ZWILCH: variants seen among roughly 807,000 people sequenced by gnomAD.
The protein encoded by ZWILCH is zwilch kinetochore protein, also known as protein zwilch homolog.
In ZWILCH, 74 loss-of-function variants were observed where a neutral mutation model predicts 79.9. The observed-to-expected ratio is 0.93, with a 90% CI of 0.77 to 1.12. The LOEUF is 1.12. Ranked by LOEUF, ZWILCH falls within the 50% of genes most tolerant of loss-of-function variation. The pLI is 0.00. For missense variants in ZWILCH, 694 were observed against 687.5 expected (o/e 1.01, Z -0.11); for synonymous variants, 241 against 228.2 (o/e 1.06, Z -0.51).
At chr15:66,546,902 A>G (rs1369218370) in intron 18 of ZWILCH, 197 bp downstream of exon 18, 10 of 239,834 alleles carry the variant, frequency 4.2e-5, no homozygotes, top group East Asian at 7.6e-5. Flanking sequence ...TCAACTTTTA[A>G]TAGGTCAATT....
intron 1 of ZWILCH, among the ~76,000 whole-genome samples, chr15:66,507,825 C>A (rs1463328234): frequency 6.6e-6 from 1 of 151,642 alleles, no homozygotes; most frequent in Non-Finnish European, 1.5e-5. Context: ...CCTAGCTACT[C>A]TGGAGGCTGA....
At chr15:66,514,119 TC>T in intron 3 of ZWILCH, 36 bp downstream of exon 3, 1 of 1,487,332 alleles carries the variant, frequency 6.7e-7, no homozygotes, top group Non-Finnish European at 9.2e-7. Context: ...TGTTTAATTC[TC>T]CATAACCAAA....
rs1567044192 is a variant in ZWILCH at position 66,520,652 on chromosome 15, T to G, written c.583T>G (p.Leu195Val). 6.4e-7 allele frequency: 1 copy of G among 1,553,150 alleles called. No individual in the cohort carries two copies. Among genetic ancestry groups the G allele is most frequent in the Non-Finnish European group, 8.8e-7 (1 of 1,131,834 alleles). ...LKNLHKKRHH[L>V]STVTSKGFAQ... Reference sequence around the variant, plus strand: ...AAATTTACACAAGAAAAGACATCACTTGTCTACTGTAAGTGTTTTGCTTCT... The same window carrying G: ...AAATTTACACAAGAAAAGACATCACGTGTCTACTGTAAGTGTTTTGCTTCT... Residue 195 changes from leucine (L) to valine (V), a missense_variant, in exon 6 of 19, where the codon TTG becomes GTG. Physicochemically the swap from Leu to Val is conservative, Grantham distance 32. Transcript: ENST00000307897.
intron 2 of ZWILCH, among the ~76,000 whole-genome samples, chr15:66,511,684 C>T (rs1460246610): frequency 1.3e-5 from 2 of 151,774 alleles, no homozygotes; most frequent in Admixed American, 1.3e-4. Context: ...TGGCGCGATC[C>T]TGGTTCACTG....
intron 17 of ZWILCH, among the ~76,000 whole-genome samples, chr15:66,545,026 G>A (rs1033347787): frequency 3.3e-5 from 5 of 151,944 alleles, no homozygotes; most frequent in African/African-American, 9.7e-5. Flanking sequence ...ACAGGCGTGA[G>A]CCACTGTGCC....
At chr15:66,509,273 A>C (rs555189800) in intron 2 of ZWILCH, among the ~76,000 whole-genome samples, 51 of 152,278 alleles carry the variant, frequency 3.3e-4, no homozygotes, top group Non-Finnish European at 5.9e-4. Flanking sequence ...CACCACCTAT[A>C]ATCAAGATAT....
At position 66,514,215 on chromosome 15, in the gene ZWILCH, T is replaced by A. The variant is rs1595905287; in HGVS notation, c.201+132T>A. 6.2e-5 allele frequency: 36 copies of A among 579,672 alleles called. No homozygotes were observed. The East Asian group carries it at 1.1e-3, about 17-fold the overall frequency. The allele number at this position is 579,672 out of a possible 1,614,324, so 35.9% of individuals were successfully genotyped here. A position where few individuals can be genotyped will look rare whatever the true frequency, so the allele number is the denominator to read the frequency against. Reference sequence around the variant, plus strand: ...GTTCTCATTCTTTTAGGAGTAAGTGTAGTGCTGTCCAGTACAAATAAATAT... The same window carrying A: ...GTTCTCATTCTTTTAGGAGTAAGTGAAGTGCTGTCCAGTACAAATAAATAT... On this transcript the variant is annotated intron_variant, in intron 3 of 18. Transcript: ENST00000307897.
chr15:66,518,769 C>T, intron 4 of ZWILCH, 110 bp from the exon 5 acceptor site: 2 of 991,252 alleles, frequency 2.0e-6, no homozygotes, highest in South Asian at 1.5e-5. Flanking sequence ...TATGATCGCA[C>T]CACTGCATTC....
At position 66,530,697 on chromosome 15, in the gene ZWILCH, C is replaced by G. The variant is rs180806159; in HGVS notation, c.1155+1124C>G. On this transcript the variant is annotated intron_variant, in intron 12 of 18. Transcript: ENST00000307897. ...TACTTTATGAATTTTCCACAGTGAA[C>G]TTGTGCCACTTTTATAGTCAAGAAA... Among the ~76,000 whole-genome samples the G allele has an allele frequency of 2.9e-3, 439 of 152,302 alleles. 2 individuals carry two copies. The highest frequency in any genetic ancestry group is 0.01 in the African/African-American group (425 of 41,566).
At chr15:66,537,103 C>T in intron 15 of ZWILCH, 65 bp from the exon 16 acceptor site, 2 of 1,291,656 alleles carry the variant, frequency 1.5e-6, no homozygotes. Context: ...GAGCTTTAGA[C>T]TACCAGAAAA....
At chr15:66,527,435 TAA>T (rs779422400) in intron 9 of ZWILCH, 52 bp downstream of exon 9, 1 of 1,385,582 alleles carries the variant, frequency 7.2e-7, no homozygotes. Flanking sequence ...TGTTTAAATA[TAA>T]GTTTCTCTTT....
At chr15:66,544,759 T>TGTGTGTGTGTGTG (rs1364942806) in intron 17 of ZWILCH, among the ~76,000 whole-genome samples, 15 of 150,708 alleles carry the variant, frequency 1.0e-4, no homozygotes, top group Admixed American at 2.0e-4. Context: ...TGTGTGTGTG[T>TGTGTGTGTGTGTG]TTGAGATGGA....
chr15:66,533,472 C>T (rs572968432), intron 14 of ZWILCH, among the ~76,000 whole-genome samples: 1 of 152,220 alleles, frequency 6.6e-6, no homozygotes, highest in South Asian at 2.1e-4. Flanking sequence ...TCAGAAACTT[C>T]AGAAAGTTGA....
At position 66,521,042 on chromosome 15, in the gene ZWILCH, C is replaced by G. The variant is rs181388668; in HGVS notation, c.592-8C>G. 3.8e-5 allele frequency: 61 copies of G among 1,613,926 alleles called. No homozygotes were observed. In the African/African-American group the frequency reaches 6.0e-4, roughly 16 times the overall value. ...AGCTAAATGATCTGCTGGGTACACTCTTTTCAGGTAACATCCAAAGGCTTT... is the reference window on the plus strand; with the variant it reads ...AGCTAAATGATCTGCTGGGTACACTGTTTTCAGGTAACATCCAAAGGCTTT... On this transcript the variant is annotated splice_region_variant and splice_polypyrimidine_tract_variant and intron_variant, in intron 6 of 18. Transcript: ENST00000307897.
intron 17 of ZWILCH, among the ~76,000 whole-genome samples, chr15:66,543,632 C>T (rs1052107923): frequency 2.6e-5 from 4 of 152,146 alleles, no homozygotes; most frequent in African/African-American, 9.6e-5. Flanking sequence ...TGGCATATGC[C>T]TGTAGTTCTA....
intron 17 of ZWILCH, among the ~76,000 whole-genome samples, chr15:66,546,208 A>G (rs1006259995): frequency 2.7e-4 from 41 of 152,202 alleles, no homozygotes; most frequent in African/African-American, 7.7e-4. Context: ...AGAAAAATGG[A>G]TATGTGTCTA....
At chr15:66,542,431 A>G (rs2140809799) in intron 17 of ZWILCH, among the ~76,000 whole-genome samples, 1 of 152,282 alleles carries the variant, frequency 6.6e-6, no homozygotes, top group South Asian at 2.1e-4. Context: ...TGAAAATACA[A>G]AAACTTAGCC....
At chr15:66,506,791 C>A (rs1893841307) in intron 1 of ZWILCH, among the ~76,000 whole-genome samples, 1 of 151,830 alleles carries the variant, frequency 6.6e-6, no homozygotes, top group South Asian at 2.1e-4. Context: ...GCCTGGGCAG[C>A]GTAGTGAGAA....
At chr15:66,507,850 G>A (rs1318183322) in intron 1 of ZWILCH, among the ~76,000 whole-genome samples, 3 of 151,412 alleles carry the variant, frequency 2.0e-5, no homozygotes, top group Admixed American at 1.3e-4. Flanking sequence ...GGAGAATGGC[G>A]TGAACCCGGG....
Sources: allele counts gnomAD v4.1 joint callset (sites outside exome capture counted in the v4.1 genomes callset), GRCh38; gene constraint gnomAD v4.1.1; transcripts MANE v1.5; gene names NCBI Gene and HGNC (gene_info 2026-07-23, HGNC 2026-07-21).